The following SYNPR variants were observed in gnomAD, a reference collection of about 807,000 sequenced individuals.
SYNPR encodes synaptoporin.
Under a neutral mutation model 32.9 loss-of-function variants are expected in SYNPR, and 23 were observed. The ratio of observed to expected loss-of-function variants is 0.70; its 90% CI spans 0.50 to 0.99. The LOEUF is 0.99. Ranked by LOEUF, SYNPR falls within the 50% of genes least tolerant of loss-of-function variation. SYNPR has a pLI of 0.00. For missense variants in SYNPR, 318 were observed against 349.3 expected (o/e 0.91, Z 0.71); for synonymous variants, 146 against 135.9 (o/e 1.07, Z -0.52).
chr3:63,581,260 G>A (rs946297942), intron 4 of SYNPR, among the ~76,000 whole-genome samples: 3 of 152,122 alleles, frequency 2.0e-5, no homozygotes, highest in Non-Finnish European at 2.9e-5. Context: ...GGAGCACTGC[G>A]TTGAGAACCA....
At chr3:63,361,455 G>A (rs1291953122) in intron 2 of SYNPR, among the ~76,000 whole-genome samples, 4 of 152,038 alleles carry the variant, frequency 2.6e-5, no homozygotes, top group Non-Finnish European at 5.9e-5. Context: ...AAAATTAGCT[G>A]GGCATGGTGG....
At chr3:63,586,761 C>T (rs1387653238) in intron 4 of SYNPR, among the ~76,000 whole-genome samples, 1 of 151,302 alleles carries the variant, frequency 6.6e-6, no homozygotes, top group Non-Finnish European at 1.5e-5. Context: ...GCTCTAGGGA[C>T]ACAGGTGATT....
In SYNPR at chr3:63,520,672, C is replaced by CAAAAAAA. The variant is rs5849560; in HGVS notation, c.210-35863_210-35857dup. On this transcript the variant is annotated intron_variant, in intron 3 of 5. Transcript: ENST00000478300. Reference sequence around the variant, plus strand: ...TGGGTGACAGAGCAAGACTCCATCTCAAAAAAAAAAAAAATCAGAGTGATC... The same window carrying CAAAAAAA: ...TGGGTGACAGAGCAAGACTCCATCTCAAAAAAAAAAAAAAAAAAAAATCAGAGTGATC... Among the ~76,000 whole-genome samples the CAAAAAAA allele has an allele frequency of 3.8e-4, 54 of 142,608 alleles. 1 individual carries two copies. Among genetic ancestry groups the CAAAAAAA allele is most frequent in the African/African-American group, 1.3e-3 (51 of 38,134 alleles). The allele number at this position is 142,608 out of a possible 152,430, so 93.6% of individuals were successfully genotyped here.
intron 3 of SYNPR, among the ~76,000 whole-genome samples, chr3:63,551,920 G>A (rs114749147): frequency 0.022 from 3,239 of 145,450 alleles, 42 homozygotes; most frequent in Non-Finnish European, 0.033. Flanking sequence ...TATTTGAGAC[G>A]GAGCTTGGCT....
intron 2 of SYNPR, among the ~76,000 whole-genome samples, chr3:63,389,712 A>T (rs2088106919): frequency 6.6e-6 from 1 of 152,224 alleles, no homozygotes; most frequent in South Asian, 2.1e-4. Flanking sequence ...CATAAAATGG[A>T]TAAACGAATG....
At chr3:63,481,847 T>G (rs1424798937) in intron 3 of SYNPR, among the ~76,000 whole-genome samples, 1 of 152,100 alleles carries the variant, frequency 6.6e-6, no homozygotes, top group Non-Finnish European at 1.5e-5. Flanking sequence ...AGATGAAAAC[T>G]GCCAATGGCC....
chr3:63,615,119 A>G (rs1700260110), intron 5 of SYNPR, 105 bp from the exon 6 acceptor site: 1 of 1,357,102 alleles, frequency 7.4e-7, no homozygotes, highest in Admixed American at 2.6e-5. Flanking sequence ...ACTCAACATT[A>G]AAGTGAAAAG....
chr3:63,517,026 G>C (rs904655540), intron 3 of SYNPR, among the ~76,000 whole-genome samples: 3 of 152,112 alleles, frequency 2.0e-5, no homozygotes, highest in African/African-American at 7.2e-5. Context: ...TAAACATTCT[G>C]ATTCAAAATG....
intron 2 of SYNPR, among the ~76,000 whole-genome samples, chr3:63,263,233 G>C (rs931624922): frequency 6.6e-6 from 1 of 152,168 alleles, no homozygotes; most frequent in Admixed American, 6.5e-5. Flanking sequence ...GGAAAACACT[G>C]TATGAGCCAA....
chr3:63,408,306 AGG>A (rs1353018110), intron 2 of SYNPR, among the ~76,000 whole-genome samples: 14 of 111,020 alleles, frequency 1.3e-4, no homozygotes, highest in African/African-American at 4.9e-4. Context: ...GAAGGAAGGA[AGG>A]AAGGAAGGAA....
intron 2 of SYNPR, among the ~76,000 whole-genome samples, chr3:63,455,350 A>G (rs985308223): frequency 6.6e-6 from 1 of 152,176 alleles, no homozygotes; most frequent in Non-Finnish European, 1.5e-5. Flanking sequence ...TTAATTTTCC[A>G]GTCTTATTGA....
intron 2 of SYNPR, among the ~76,000 whole-genome samples, chr3:63,433,923 A>G (rs1180393692): frequency 2.6e-5 from 4 of 152,190 alleles, no homozygotes; most frequent in Non-Finnish European, 5.9e-5. Context: ...AGATCCCTTT[A>G]GACCAACTCC....
intron 3 of SYNPR, among the ~76,000 whole-genome samples, chr3:63,547,146 T>TAC (rs1702421440): frequency 1.3e-5 from 2 of 151,998 alleles, no homozygotes; most frequent in East Asian, 1.9e-4. Context: ...TGCTTTGATA[T>TAC]TGGATAAATT....
chr3:63,334,534 G>A (rs1053174981), intron 2 of SYNPR, among the ~76,000 whole-genome samples: 47 of 150,230 alleles, frequency 3.1e-4, no homozygotes, highest in African/African-American at 1.0e-3. Flanking sequence ...GTGTGTGTGT[G>A]TGTGTGTGTG....
At chr3:63,480,693 C>T in intron 2 of SYNPR, 139 bp from the exon 3 acceptor site, 2 of 1,131,876 alleles carry the variant, frequency 1.8e-6, no homozygotes, top group Admixed American at 2.3e-5. Flanking sequence ...CTTCATCTTC[C>T]AGCTGAACCA....
intron 4 of SYNPR, among the ~76,000 whole-genome samples, chr3:63,594,610 T>C (rs1699899554): frequency 6.6e-6 from 1 of 152,102 alleles, no homozygotes; most frequent in African/African-American, 2.4e-5. Context: ...ATCCCAACTA[T>C]AAAATGGGAT....
At chr3:63,297,971 G>A (rs1428083168) in intron 2 of SYNPR, among the ~76,000 whole-genome samples, 1 of 152,140 alleles carries the variant, frequency 6.6e-6, no homozygotes, top group African/African-American at 2.4e-5. Flanking sequence ...GAAAGTTACA[G>A]ACCTTGCGAC....
intron 2 of SYNPR, among the ~76,000 whole-genome samples, chr3:63,258,342 G>A (rs2086406303): frequency 6.6e-6 from 1 of 152,156 alleles, no homozygotes; most frequent in Non-Finnish European, 1.5e-5. Flanking sequence ...CTCAGCAAAT[G>A]TAAAAGAACA....
intron 3 of SYNPR, among the ~76,000 whole-genome samples, chr3:63,268,600 T>C (rs968346757): frequency 2.0e-5 from 3 of 152,226 alleles, no homozygotes; most frequent in African/African-American, 7.2e-5. Context: ...ATACATTTAC[T>C]ATAAGTAGAC....
Sources: gnomAD v4.1 joint callset for allele counts (sites outside exome capture counted in the v4.1 genomes callset) on GRCh38, gnomAD v4.1.1 for gene constraint, MANE v1.5 for transcripts, NCBI Gene and HGNC (gene_info 2026-07-23, HGNC 2026-07-21) for gene names.